Variants in ZNF91 observed in about 807,000 individuals in gnomAD.
ZNF91 encodes the protein zinc finger protein 91.
A neutral mutation model predicts 12.6 loss-of-function variants in ZNF91; 7 were observed. That is an observed-to-expected ratio of 0.55 (90% confidence interval 0.31 to 1.04). The LOEUF is 1.04. Ranked by LOEUF, ZNF91 falls within the 50% of genes least tolerant of loss-of-function variation. ZNF91 has a pLI of 0.05. For missense variants in ZNF91, 1,217 were observed against 1,385.4 expected (o/e 0.88, Z 1.93); for synonymous variants, 453 against 462.6 (o/e 0.98, Z 0.27).
chr19:23,349,903 T>C (rs183235051), intron 3 of ZNF91, among the ~76,000 whole-genome samples: 9 of 152,314 alleles, frequency 5.9e-5, no homozygotes, highest in Admixed American at 5.9e-4. Flanking sequence ...ACAGGATGAA[T>C]GGCCTCCGCA....
chr19:23,392,535 T>C (rs1970102490), intron 1 of ZNF91, among the ~76,000 whole-genome samples: 1 of 152,074 alleles, frequency 6.6e-6, no homozygotes. Context: ...AGCTCACATC[T>C]GTAATCCCAG....
intron 3 of ZNF91, among the ~76,000 whole-genome samples, chr19:23,350,722 T>C (rs1270817300): frequency 1.3e-5 from 2 of 152,122 alleles, no homozygotes; most frequent in African/African-American, 4.8e-5. Context: ...ATCAGCAAGA[T>C]AGCAGAAGCA....
chr19:23,337,837 CT>C (rs1968045378), downstream of ZNF91: 2 of 152,006 alleles, frequency 1.3e-5, no homozygotes, highest in South Asian at 4.1e-4. Flanking sequence ...AATTATGGAA[CT>C]GAAGATTTAT....
At chr19:23,357,491 G>A (rs1053113364), downstream of ZNF91, among the ~76,000 whole-genome samples, 1 of 152,044 alleles carries the variant, frequency 6.6e-6, no homozygotes, top group African/African-American at 2.4e-5. Context: ...TTCCAATATT[G>A]CTTTTTTCTG....
downstream of ZNF91, among the ~76,000 whole-genome samples, chr19:23,335,054 C>T (rs760241923): frequency 4.4e-4 from 67 of 152,258 alleles, no homozygotes; most frequent in Admixed American, 7.8e-4. Context: ...TAGTCAGGAA[C>T]CTCAGGCTTC....
rs753696327 is a variant in ZNF91, at chr19:23,359,439, G to A, written c.3540C>T (p.Thr1180=). The A allele has an allele frequency of 7.3e-7, 1 of 1,378,800 alleles. No individual in the cohort carries two copies. The highest frequency in any genetic ancestry group is 1.0e-6 in the Non-Finnish European group (1 of 973,080). 85.4% of individuals were successfully genotyped at this position (1,378,800 alleles called of 1,614,324 possible). The change falls in exon 4 of 4, where the codon ACC becomes ACT. Residue 1180 remains threonine (T), a synonymous_variant. Coordinates refer to ENST00000300619, the MANE Select transcript of ZNF91 (RefSeq NM_003430.4). The stretch of plus-strand genomic sequence containing the variant: ...GGGGTTTCACTGTGTTAGCCAGGAT[G>A]GTCTCCATCTCCTGACCTCGTGATC... The part of the protein sequence containing the change: ...AGGSRGQEME[T]ILANTVKPLL...
Position 23,374,668 on chromosome 19 carries a change from A to G in ZNF91, c.127T>C (p.Leu43=). 6.2e-7 allele frequency: 1 copy of G among 1,613,054 alleles called. No homozygotes were observed. The highest frequency in any genetic ancestry group is 1.3e-5 in the African/African-American group (1 of 75,000). The part of the protein sequence containing the change: ...AQQNLYRNVM[L]ENYRNLAFLG... Reference sequence around the variant, plus strand: ...AAGGCCAGGTTTCTGTAGTTCTCTAACATCACATTCCTATATAAATTCTGC... The same window carrying G: ...AAGGCCAGGTTTCTGTAGTTCTCTAGCATCACATTCCTATATAAATTCTGC... Residue 43 remains leucine, a synonymous_variant, in exon 2 of 4, where the codon TTA becomes CTA. Coordinates refer to ENST00000300619, the MANE Select transcript of ZNF91 (RefSeq NM_003430.4).
In ZNF91 at chr19:23,362,620, A is replaced by C. The variant is rs1383245672; in HGVS notation, c.359T>G (p.Leu120Ter). The change falls in exon 4 of 4, where the codon TTA becomes TGA. Residue 120 changes from leucine to a stop codon, truncating the protein, a stop_gained. Transcript: ENST00000300619. LOFTEE classifies it low-confidence loss of function (END_TRUNC). ...RKYEKCGHEN[L>*]QLRKGCKSVD... is the part of the protein sequence containing the mutation. ...ACTTTTACAACCTTTTCTTAACTGT[A>C]AATTCTCATGTCCACATTTTTCATA... 6.3e-7 allele frequency: 1 copy of C among 1,590,424 alleles called. No individual in the cohort carries two copies. Among genetic ancestry groups the C allele is most frequent in the South Asian group, 1.2e-5 (1 of 85,810 alleles).
At chr19:23,379,149 CAAT>C (rs1969608981) in intron 1 of ZNF91, among the ~76,000 whole-genome samples, 1 of 152,048 alleles carries the variant, frequency 6.6e-6, no homozygotes, top group Non-Finnish European at 1.5e-5. Context: ...GCTGATGGTC[CAAT>C]AATAAGCCAG....
intron 3 of ZNF91, among the ~76,000 whole-genome samples, chr19:23,340,300 AAATAG>A (rs1192154296): frequency 7.9e-5 from 12 of 152,204 alleles, no homozygotes; most frequent in African/African-American, 2.9e-4. Context: ...GATTAACCAC[AAATAG>A]AATAGAAATC....
At chr19:23,364,171 C>T (rs296087) in intron 3 of ZNF91, among the ~76,000 whole-genome samples, 132,714 of 152,250 alleles carry the variant, frequency 0.87, 58,620 homozygotes, top group African/African-American at 0.97. Flanking sequence ...CTACAAAAAT[C>T]AGCCAGGTGT....
intron 1 of ZNF91, among the ~76,000 whole-genome samples, chr19:23,323,456 T>G (rs187087612): frequency 7.4e-6 from 1 of 134,398 alleles, no homozygotes; most frequent in East Asian, 2.4e-4. Flanking sequence ...TTTTCTCCTC[T>G]ACTTCTCTGT....
At chr19:23,340,710 A>C (rs946662827) in intron 3 of ZNF91, among the ~76,000 whole-genome samples, 2 of 151,286 alleles carry the variant, frequency 1.3e-5, no homozygotes, top group South Asian at 2.1e-4. Context: ...AGCCAAGGAC[A>C]CAACAAAGAA....
Position 23,362,017 on chromosome 19 carries a change from G to T in ZNF91, c.962C>A (p.Pro321His). 1 of 1,613,886 alleles carries T rather than the reference G, an allele frequency of 6.2e-7. No individual in the cohort carries two copies. ...TTTGCCACATTCTTCACATTTGTAG[G>T]GTTTCTCTCCAGTATGAATTCTCTT... ...KHKRIHTGEK[P>H]YKCEECGKAF... Residue 321 changes from proline to histidine, a missense_variant, in exon 4 of 4, where the codon CCC becomes CAC. Pro to His is a moderately conservative substitution (Grantham distance 77). This residue lies in a region of ZNF91 where 726 missense variants were observed against 895.5 expected (regional missense o/e 0.81). Transcript: ENST00000300619.
At chr19:23,372,548 A>G (rs1262088176) in intron 3 of ZNF91, among the ~76,000 whole-genome samples, 1 of 152,074 alleles carries the variant, frequency 6.6e-6, no homozygotes, top group African/African-American at 2.4e-5. Flanking sequence ...AAACTACAGG[A>G]CTACTGTTTT....
chr19:23,373,506 T>C (rs992118908), intron 3 of ZNF91, among the ~76,000 whole-genome samples: 4 of 151,832 alleles, frequency 2.6e-5, no homozygotes, highest in Non-Finnish European at 5.9e-5. Context: ...TTCTATGCCA[T>C]GAACAGTACT....
upstream of ZNF91, among the ~76,000 whole-genome samples, chr19:23,315,307 T>C (rs1009359264): frequency 6.6e-6 from 1 of 152,176 alleles, no homozygotes; most frequent in Non-Finnish European, 1.5e-5. Context: ...CAGAAGGCAT[T>C]ATGACATATC....
intron 3 of ZNF91, among the ~76,000 whole-genome samples, chr19:23,351,170 C>CA (rs1480845604): frequency 6.6e-6 from 1 of 151,806 alleles, no homozygotes; most frequent in African/African-American, 2.4e-5. Context: ...TACAAAAACA[C>CA]AAAAATTAGC....
At chr19:23,320,741 A>G (rs1967672902) in intron 1 of ZNF91, among the ~76,000 whole-genome samples, 1 of 152,204 alleles carries the variant, frequency 6.6e-6, no homozygotes, top group Non-Finnish European at 1.5e-5. Flanking sequence ...TGGTACAGAG[A>G]GTGTACTAAC....
Sources: allele counts gnomAD v4.1 joint callset (sites outside exome capture counted in the v4.1 genomes callset), GRCh38; gene constraint gnomAD v4.1.1; regional missense constraint gnomAD v4.1.1; transcripts MANE v1.5; gene names NCBI Gene and HGNC (gene_info 2026-07-23, HGNC 2026-07-21).